The following GAD1 variants were observed in gnomAD, a reference collection of about 807,000 sequenced individuals.
The protein encoded by GAD1 is 67 kDa glutamic acid decarboxylase.
A neutral mutation model predicts 75.2 loss-of-function variants in GAD1; 35 were observed. The ratio of observed to expected loss-of-function variants is 0.47; its 90% CI spans 0.36 to 0.62. The LOEUF is 0.62. Among genes scored for constraint, GAD1 ranks in the 20% least tolerant of loss-of-function variants. The pLI is 0.00. For synonymous variants in GAD1, 257 were observed against 271.9 expected (o/e 0.95, Z 0.54); for missense variants, 490 against 758.5 (o/e 0.65, Z 4.16).
At chr2:170,838,946 T>C (rs1014089405) in intron 6 of GAD1, among the ~76,000 whole-genome samples, 6 of 152,202 alleles carry the variant, frequency 3.9e-5, no homozygotes, top group Non-Finnish European at 8.8e-5. Context: ...TTCTGTCAGT[T>C]CTGGAGACAA....
intron 3 of GAD1, among the ~76,000 whole-genome samples, chr2:170,825,774 GCTTTGCCTCTCCTCTGCTTTCCT>G (rs1246239356): frequency 6.6e-6 from 1 of 152,206 alleles, no homozygotes; most frequent in African/African-American, 2.4e-5. Flanking sequence ...CACAACTGCA[GCTTTGCCTCTCCTCTGCTTTCCT>G]CTTTGCCTCT....
rs751929630 is a variant in GAD1, at chr2:170,858,839, A to G, written c.1557A>G (p.Pro519=). 1.3e-5 allele frequency: 21 copies of G among 1,614,080 alleles called. No homozygotes were observed. The Admixed American group carries it at 3.5e-4, about 27-fold the overall frequency. The change falls in exon 16 of 17, where the codon CCA becomes CCG. Residue 519 remains proline, a synonymous_variant. Coordinates refer to ENST00000358196, the MANE Select transcript of GAD1 (RefSeq NM_000817.3). Reference sequence around the variant, plus strand: ...CAAACGTCTGTTTTTGGTATATTCCACAAAGCCTCAGGGGTGTGCCAGACA... The same window carrying G: ...CAAACGTCTGTTTTTGGTATATTCCGCAAAGCCTCAGGGGTGTGCCAGACA... ...EHTNVCFWYI[P]QSLRGVPDSP... is the part of the protein sequence containing the mutation.
chr2:170,828,592 A>C (rs1173385311), intron 3 of GAD1, among the ~76,000 whole-genome samples: 165 of 61,000 alleles, frequency 2.7e-3, no homozygotes, highest in Admixed American at 4.7e-3. Context: ...TGCTGTCCTC[A>C]CCCCTCCTCT....
chr2:170,846,729 G>A (rs1374555826), intron 10 of GAD1, among the ~76,000 whole-genome samples: 1 of 152,232 alleles, frequency 6.6e-6, no homozygotes, highest in Non-Finnish European at 1.5e-5. Context: ...TAAGAGGCAG[G>A]GCATGGGGGC....
chr2:170,819,589 G>A (rs948503288), intron 2 of GAD1, among the ~76,000 whole-genome samples: 3 of 152,150 alleles, frequency 2.0e-5, no homozygotes, highest in Non-Finnish European at 4.4e-5. Context: ...CTTGAGATGA[G>A]AAAATTGTTT....
intron 11 of GAD1, chr2:170,848,641 G>A (rs1156284677): frequency 2.0e-6 from 1 of 495,246 alleles, no homozygotes; most frequent in Non-Finnish European, 4.0e-6. Flanking sequence ...ATGTGTGACT[G>A]GGTGTATTTT....
chr2:170,836,903 A>G lies in GAD1; in HGVS notation c.638+20A>G. 1.3e-6 allele frequency: 2 copies of G among 1,559,176 alleles called. No individual in the cohort carries two copies. Among genetic ancestry groups the G allele is most frequent in the Non-Finnish European group, 8.8e-7 (1 of 1,130,446 alleles). On this transcript the variant is annotated intron_variant, in intron 6 of 16. Transcript: ENST00000358196. ...CAACATGTAAGTCTCATATGTTTTCATATAAGCAACCCTGATGTATGACTA... is the reference window on the plus strand; with the variant it reads ...CAACATGTAAGTCTCATATGTTTTCGTATAAGCAACCCTGATGTATGACTA...
At chr2:170,845,154 T>C (rs1304917450) in intron 7 of GAD1, among the ~76,000 whole-genome samples, 1 of 152,228 alleles carries the variant, frequency 6.6e-6, no homozygotes, top group African/African-American at 2.4e-5. Flanking sequence ...AGTAAATAGA[T>C]TGAGCAGAAA....
chr2:170,840,678 G>GAGGGAGGGAGGT (rs1702495958), intron 6 of GAD1, among the ~76,000 whole-genome samples: 1 of 99,922 alleles, frequency 1.0e-5, no homozygotes, highest in African/African-American at 3.9e-5. Flanking sequence ...GGGAGGGAGG[G>GAGGGAGGGAGGT]AGGGAAGGGC....
At chr2:170,821,740 T>C (rs1394541360) in intron 2 of GAD1, 2 of 339,468 alleles carry the variant, frequency 5.9e-6, no homozygotes, top group African/African-American at 4.2e-5. Context: ...GGCAGCTCGA[T>C]CGGAGCCTGG....
intron 4 of GAD1, chr2:170,829,905 C>T: frequency 2.2e-6 from 1 of 455,698 alleles, no homozygotes; most frequent in Non-Finnish European, 4.0e-6. Context: ...CATAGACTCT[C>T]AGAGTCAAAG....
chr2:170,826,725 AGAAGCCTAAGCAGGCGTCGGG>A (rs1452838263), intron 3 of GAD1, among the ~76,000 whole-genome samples: 1 of 152,220 alleles, frequency 6.6e-6, no homozygotes, highest in Admixed American at 6.5e-5. Flanking sequence ...GGAGTGAGTC[AGAAGCCTAAGCAGGCGTCGGG>A]GACAACAGAG....
At chr2:170,842,738 A>C (rs1162697175) in intron 6 of GAD1, 15 of 1,571,410 alleles carry the variant, frequency 9.5e-6, no homozygotes, top group African/African-American at 1.4e-5. Flanking sequence ...CTTTTTGGAA[A>C]TAAAATACTT....
intron 6 of GAD1, 127 bp from the exon 7 acceptor site, chr2:170,843,918 T>C (rs2105797599): frequency 1.5e-6 from 1 of 689,004 alleles, no homozygotes; most frequent in Non-Finnish European, 2.7e-6. Context: ...AAATGAATCA[T>C]GTTAGTGGTT....
At chr2:170,849,097 A>G (rs765905081) in intron 11 of GAD1, 189 bp from the exon 12 acceptor site, 69 of 668,124 alleles carry the variant, frequency 1.0e-4, no homozygotes, top group Non-Finnish European at 1.6e-4. Flanking sequence ...AGGAACTTTG[A>G]AAAAGAAATG....
chr2:170,853,657 T>C lies in GAD1; in HGVS notation c.1264-216T>C. 1 of 548,490 alleles carries C rather than the reference T, an allele frequency of 1.8e-6. No homozygotes were observed. The highest frequency in any genetic ancestry group is 3.3e-6 in the Non-Finnish European group (1 of 302,720). 34.0% of individuals were successfully genotyped at this position (548,490 alleles called of 1,614,324 possible). On this transcript the variant is annotated intron_variant, in intron 13 of 16. Coordinates refer to ENST00000358196, the MANE Select transcript of GAD1 (RefSeq NM_000817.3). This position sits in a 1 kb window ranked among gnomAD's most constrained non-coding sequence, Gnocchi z 4.1. The stretch of plus-strand genomic sequence containing the variant: ...AGGGATGGCATCTGAGACGGAAAGA[T>C]CATCTTCTAATCAGAGAGTCAGAGA...
chr2:170,858,679 T>G, intron 15 of GAD1, 125 bp from the exon 16 acceptor site: 5 of 807,938 alleles, frequency 6.2e-6, no homozygotes, highest in South Asian at 1.5e-5. Context: ...ACATTGCCTT[T>G]GAGATGAACA....
chr2:170,840,073 A>G (rs917876983), intron 6 of GAD1, among the ~76,000 whole-genome samples: 3 of 152,310 alleles, frequency 2.0e-5, no homozygotes, highest in Middle Eastern at 3.4e-3. Context: ...GCTTAAACAC[A>G]CTAACTCGGA....
intron 4 of GAD1, among the ~76,000 whole-genome samples, chr2:170,830,333 C>G (rs1419591326): frequency 6.6e-6 from 1 of 152,252 alleles, no homozygotes; most frequent in South Asian, 2.1e-4. Context: ...TGCCTAACCT[C>G]TAGCCTGACT....
Sources: gnomAD v4.1 joint callset for allele counts (sites outside exome capture counted in the v4.1 genomes callset) on GRCh38, gnomAD v4.1.1 for gene constraint, Gnocchi (gnomAD v3.1) non-coding constraint, MANE v1.5 for transcripts, NCBI Gene and HGNC (gene_info 2026-07-23, HGNC 2026-07-21) for gene names.